CEMP1: variants seen among roughly 807,000 people sequenced by gnomAD.
CEMP1 encodes cementum protein 1.
For missense variants in CEMP1, 387 were observed against 316.9 expected, an observed-to-expected ratio of 1.22 and a Z score of -1.68; for synonymous variants, 161 against 128.6, an observed-to-expected ratio of 1.25 and a Z score of -1.71.
Position 2,530,193 on chromosome 16 carries a change from TG to T in CEMP1, c.*136del. On this transcript the variant is annotated 3_prime_UTR_variant, in exon 1 of 1. Coordinates refer to ENST00000567119, the MANE Select transcript of CEMP1 (RefSeq NM_001048212.3). ...GCTCCCTGGACTGCCTAGCCCTGAG[TG>T]CCACGGATGACCAGCGTTCTGTTTT... 3 of 1,494,952 alleles carry T rather than the reference TG, an allele frequency of 2.0e-6. No homozygotes were observed. Among genetic ancestry groups the T allele is most frequent in the Non-Finnish European group, 2.7e-6 (3 of 1,121,838 alleles). 92.6% of individuals were successfully genotyped at this position (1,494,952 alleles called of 1,614,324 possible).
In CEMP1 at chr16:2,530,316, C is replaced by A. The variant is rs778731311; in HGVS notation, c.*14G>T. 1.9e-6 allele frequency: 3 copies of A among 1,614,094 alleles called. No homozygotes were observed. The highest frequency in any genetic ancestry group is 2.2e-5 in the South Asian group (2 of 91,076). Reference sequence around the variant, plus strand: ...GTGCTGGAGGGCAGTATGGGAGGCACCAGTGTGCCCTGCTCACCCCATTAG... The same window carrying A: ...GTGCTGGAGGGCAGTATGGGAGGCAACAGTGTGCCCTGCTCACCCCATTAG... On this transcript the variant is annotated 3_prime_UTR_variant, in exon 1 of 1. Transcript: ENST00000567119.
In CEMP1 at chr16:2,531,040, C is replaced by T. The variant is rs772776692; in HGVS notation, c.34G>A (p.Gly12Arg). ...GTSSTDSQQA[G>R]HRRCSTSNTS... Reference sequence around the variant, plus strand: ...TTAGAGGTTGAGCATCGCCTGTGCCCAGCTTGCTGGCTGTCAGTGCTTGAT... The same window carrying T: ...TTAGAGGTTGAGCATCGCCTGTGCCTAGCTTGCTGGCTGTCAGTGCTTGAT... The change falls in exon 1 of 1, where the codon GGG becomes AGG. Residue 12 changes from glycine (G) to arginine (R), a missense_variant. Transcript: ENST00000567119. The T allele has an allele frequency of 3.3e-5, 53 of 1,598,524 alleles. No individual in the cohort carries two copies. Among genetic ancestry groups the T allele is most frequent in the Non-Finnish European group, 3.4e-5 (40 of 1,168,402 alleles).
In CEMP1 at chr16:2,530,280, G is replaced by A. The variant is rs750772940; in HGVS notation, c.*50C>T. ...AGGCCCAGTGCTTGCCGGCTGTGGT[G>A]ACCCTGCCTGGTGCTGGAGGGCAGT... On this transcript the variant is annotated 3_prime_UTR_variant, in exon 1 of 1. Coordinates refer to ENST00000567119, the MANE Select transcript of CEMP1 (RefSeq NM_001048212.3). The A allele has an allele frequency of 1.2e-6, 2 of 1,613,238 alleles. No individual in the cohort carries two copies. The highest frequency in any genetic ancestry group is 2.2e-5 in the South Asian group (2 of 91,010).
chr16:2,530,882 CA>C (rs766257150), intron 1 of CEMP1: 6 of 1,613,630 alleles, frequency 3.7e-6, no homozygotes, highest in East Asian at 2.2e-5. Flanking sequence ...CAGGGATACC[CA>C]CCTCTGCCTT....
In CEMP1 at chr16:2,531,045, T is replaced by A; in HGVS notation, c.29A>T (p.Gln10Leu). 1 of 1,597,836 alleles carries A rather than the reference T, an allele frequency of 6.3e-7. No individual in the cohort carries two copies. Among genetic ancestry groups the A allele is most frequent in the Non-Finnish European group, 8.6e-7 (1 of 1,167,902 alleles). Residue 10 changes from glutamine to leucine, a missense_variant, in exon 1 of 1, where the codon CAA (glutamine) becomes CTA (leucine). By Grantham distance (113) the Gln-to-Leu change is moderately radical (BLOSUM62 -2). Coordinates refer to ENST00000567119, the MANE Select transcript of CEMP1 (RefSeq NM_001048212.3). The part of the protein sequence containing the change: MGTSSTDSQ[Q>L]AGHRRCSTSN... ...GGTTGAGCATCGCCTGTGCCCAGCT[T>A]GCTGGCTGTCAGTGCTTGATGTGCC...
chr16:2,531,311 G>A lies in CEMP1; in HGVS notation c.-238C>T. On this transcript the variant is annotated 5_prime_UTR_variant, in exon 1 of 1. Coordinates refer to ENST00000567119, the MANE Select transcript of CEMP1 (RefSeq NM_001048212.3). ...TCAGGGTGAGAGAGAGCTGGGCCAGGGAGCTGCTGCAGGATGATTTTGAGG... is the reference window on the plus strand; with the variant it reads ...TCAGGGTGAGAGAGAGCTGGGCCAGAGAGCTGCTGCAGGATGATTTTGAGG... The A allele has an allele frequency of 1.8e-6, 1 of 551,756 alleles. No homozygotes were observed. The allele number at this position is 551,756 out of a possible 1,614,324, so 34.2% of individuals were successfully genotyped here. A position where few individuals can be genotyped will look rare whatever the true frequency, so the allele number is the denominator to read the frequency against.
chr16:2,531,246 C>T lies in CEMP1; in HGVS notation c.-173G>A. Reference sequence around the variant, plus strand: ...GGAGGGGCTGGCAGAGATGGTTGGTCCACAGGGCTAGCCCTGGGTGGTGGG... The same window carrying T: ...GGAGGGGCTGGCAGAGATGGTTGGTTCACAGGGCTAGCCCTGGGTGGTGGG... On this transcript the variant is annotated 5_prime_UTR_variant, in exon 1 of 1. Coordinates refer to ENST00000567119, the MANE Select transcript of CEMP1 (RefSeq NM_001048212.3). The T allele has an allele frequency of 1.2e-6, 1 of 818,528 alleles. No homozygotes were observed. Among genetic ancestry groups the T allele is most frequent in the Admixed American group, 2.9e-5 (1 of 34,106 alleles). 50.7% of individuals were successfully genotyped at this position (818,528 alleles called of 1,614,324 possible). A position where few individuals can be genotyped will look rare whatever the true frequency, so the allele number is the denominator to read the frequency against.
chr16:2,530,066 G>C lies in CEMP1; in HGVS notation c.*264C>G, dbSNP rs1047581601. On this transcript the variant is annotated 3_prime_UTR_variant, in exon 1 of 1. Transcript: ENST00000567119. ...TTGCTTTCTGCTCCTGAGTTGGGGT[G>C]TGCAGCGTGGAGCCCACAGCCTGGT... 5.7e-6 allele frequency: 5 copies of C among 876,190 alleles called. No homozygotes were observed. Among genetic ancestry groups the C allele is most frequent in the Middle Eastern group, 3.5e-4 (1 of 2,836 alleles). The allele number at this position is 876,190 out of a possible 1,614,324, so 54.3% of individuals were successfully genotyped here.
In CEMP1 at chr16:2,530,805, G is replaced by A; in HGVS notation, c.269C>T (p.Ala90Val). Reference sequence around the variant, plus strand: ...ACAAGGGGTTGATCTCAGCCCACAAGCCCCAGGGGCAGCCCAGGAAAGCAG... The same window carrying A: ...ACAAGGGGTTGATCTCAGCCCACAAACCCCAGGGGCAGCCCAGGAAAGCAG... ...RRLLSWAAPG[A>V]CGLRSTPCAL... Residue 90 changes from alanine to valine, a missense_variant, in exon 1 of 1, where the codon GCT becomes GTT. Physicochemically the swap from Ala to Val is moderately conservative, Grantham distance 64. Coordinates refer to ENST00000567119, the MANE Select transcript of CEMP1 (RefSeq NM_001048212.3). 1 of 1,613,778 alleles carries A rather than the reference G, an allele frequency of 6.2e-7. No homozygotes were observed. Among genetic ancestry groups the A allele is most frequent in the Non-Finnish European group, 8.5e-7 (1 of 1,179,982 alleles).
At position 2,530,246 on chromosome 16, in the gene CEMP1, C is replaced by A; in HGVS notation, c.*84G>T. The A allele has an allele frequency of 6.2e-7, 1 of 1,602,424 alleles. No homozygotes were observed. Among genetic ancestry groups the A allele is most frequent in the African/African-American group, 1.3e-5 (1 of 74,850 alleles). ...TCTTCTCAATAACCCTATCTCTTCACACATCCCCAGGCCCAGTGCTTGCCG... is the reference window on the plus strand; with the variant it reads ...TCTTCTCAATAACCCTATCTCTTCAAACATCCCCAGGCCCAGTGCTTGCCG... On this transcript the variant is annotated 3_prime_UTR_variant, in exon 1 of 1. Coordinates refer to ENST00000567119, the MANE Select transcript of CEMP1 (RefSeq NM_001048212.3).
chr16:2,530,530 CTT>C, intron 1 of CEMP1: 2 of 1,614,196 alleles, frequency 1.2e-6, no homozygotes, highest in Non-Finnish European at 1.7e-6. Flanking sequence ...ATTGTCTTGA[CTT>C]TCTCTCCATT....
Position 2,531,207 on chromosome 16 carries a change from G to A in CEMP1, c.-134C>T, listed in dbSNP as rs1166119438. ...TCACCGGCCAGCGCCCCACCTCCCT[G>A]GCTGGAGGGTCGGGGAGGGGCTGGC... is the stretch of plus-strand genomic sequence containing the variant. On this transcript the variant is annotated 5_prime_UTR_variant, in exon 1 of 1. Coordinates refer to ENST00000567119, the MANE Select transcript of CEMP1 (RefSeq NM_001048212.3). The A allele has an allele frequency of 5.8e-6, 7 of 1,212,168 alleles. No homozygotes were observed. Among genetic ancestry groups the A allele is most frequent in the Non-Finnish European group, 6.8e-6 (6 of 877,750 alleles). The allele number at this position is 1,212,168 out of a possible 1,614,324, so 75.1% of individuals were successfully genotyped here.
Position 2,530,144 on chromosome 16 carries a change from CTG to C in CEMP1, c.*184_*185del. 2 of 1,405,330 alleles carry C rather than the reference CTG, an allele frequency of 1.4e-6. No homozygotes were observed. The highest frequency in any genetic ancestry group is 2.9e-5 in the African/African-American group (2 of 69,274). 87.1% of individuals were successfully genotyped at this position (1,405,330 alleles called of 1,614,324 possible). The stretch of plus-strand genomic sequence containing the variant: ...TCCGCTCTGACCTCCAGGAGGGAGA[CTG>C]GGCCCGGGACCCCTGTTTTCTGCTC... On this transcript the variant is annotated 3_prime_UTR_variant, in exon 1 of 1. Transcript: ENST00000567119.
In CEMP1 at chr16:2,530,852, C is replaced by G. The variant is rs779577686; in HGVS notation, c.222G>C (p.Glu74Asp). The G allele has an allele frequency of 1.9e-6, 3 of 1,613,652 alleles. No individual in the cohort carries two copies. Among genetic ancestry groups the G allele is most frequent in the Non-Finnish European group, 2.5e-6 (3 of 1,179,984 alleles). ...GCAGGCGACGGATGTGGATCCTGAC[C>G]TCCTGAGAGGTGTGAGGTGCAGGGA... ...VGIPAPHTSQEVRIHIRRLLS... is the reference protein window; with the variant it reads ...VGIPAPHTSQDVRIHIRRLLS... Residue 74 changes from glutamate to aspartate, a missense_variant, in exon 1 of 1, where the codon GAG (glutamate) becomes GAC (aspartate). By Grantham distance (45) the Glu-to-Asp change is conservative. Coordinates refer to ENST00000567119, the MANE Select transcript of CEMP1 (RefSeq NM_001048212.3).
In CEMP1 at chr16:2,530,351, G is replaced by T; in HGVS notation, c.723C>A (p.Gly241=). ...CTGCTCACCCCATTAGTGTCATCCT[G>T]CCATCTTCTGTGTCCCCTTGGCCCT... ...VCQGQGDTED[G]RMTLMG Residue 241 remains glycine, a synonymous_variant, in exon 1 of 1, where the codon GGC becomes GGA. Coordinates refer to ENST00000567119, the MANE Select transcript of CEMP1 (RefSeq NM_001048212.3). The T allele has an allele frequency of 1.2e-6, 2 of 1,614,148 alleles. No homozygotes were observed. Among genetic ancestry groups the T allele is most frequent in the Non-Finnish European group, 1.7e-6 (2 of 1,180,018 alleles).
At position 2,530,047 on chromosome 16, in the gene CEMP1, T is replaced by G. The variant is rs1437109294; in HGVS notation, c.*283A>C. On this transcript the variant is annotated 3_prime_UTR_variant, in exon 1 of 1. Coordinates refer to ENST00000567119, the MANE Select transcript of CEMP1 (RefSeq NM_001048212.3). The stretch of plus-strand genomic sequence containing the variant: ...AGTGTGGACAGTCAGGGGTTTGCTT[T>G]CTGCTCCTGAGTTGGGGTGTGCAGC... 4.9e-6 allele frequency: 4 copies of G among 808,852 alleles called. No homozygotes were observed. In the East Asian group the frequency reaches 1.1e-4, roughly 22 times the overall value. 50.1% of individuals were successfully genotyped at this position (808,852 alleles called of 1,614,324 possible).
At position 2,530,272 on chromosome 16, in the gene CEMP1, G is replaced by T; in HGVS notation, c.*58C>A. ...ACATCCCCAGGCCCAGTGCTTGCCG[G>T]CTGTGGTGACCCTGCCTGGTGCTGG... On this transcript the variant is annotated 3_prime_UTR_variant, in exon 1 of 1. Transcript: ENST00000567119. 1 of 1,612,282 alleles carries T rather than the reference G, an allele frequency of 6.2e-7. No homozygotes were observed. Among genetic ancestry groups the T allele is most frequent in the Non-Finnish European group, 8.5e-7 (1 of 1,179,220 alleles).
chr16:2,530,667 C>G lies in CEMP1; in HGVS notation c.407G>C (p.Arg136Thr), dbSNP rs1179461291. 3.1e-6 allele frequency: 5 copies of G among 1,614,204 alleles called. No homozygotes were observed. The highest frequency in any genetic ancestry group is 1.7e-5 in the Admixed American group (1 of 60,032). The change falls in exon 1 of 1, where the codon AGA becomes ACA. Residue 136 changes from arginine (R) to threonine (T), a missense_variant. Arg to Thr is a moderately conservative substitution (Grantham distance 71). Coordinates refer to ENST00000567119, the MANE Select transcript of CEMP1 (RefSeq NM_001048212.3). ...AQTILSLWTWRHFLNWALQQR... is the reference protein window; with the variant it reads ...AQTILSLWTWTHFLNWALQQR... Reference sequence around the variant, plus strand: ...CTGCAAAGCCCAGTTAAGGAAATGTCTCCAGGTCCAAAGAGATAGGATGGT... The same window carrying G: ...CTGCAAAGCCCAGTTAAGGAAATGTGTCCAGGTCCAAAGAGATAGGATGGT...
Position 2,530,538 on chromosome 16 carries a change from C to A in CEMP1, c.536G>T (p.Gly179Val). 6.2e-7 allele frequency: 1 copy of A among 1,614,188 alleles called. No individual in the cohort carries two copies. Among genetic ancestry groups the A allele is most frequent in the South Asian group, 1.1e-5 (1 of 91,088 alleles). ...EGSHPPQNSN[G>V]EKVKTITPDV... is the part of the protein sequence containing the mutation. ...AGGGGTGATTGTCTTGACTTTCTCT[C>A]CATTTGAGTTCTGGGGTGGGTGGCT... Residue 179 changes from glycine (G) to valine (V), a missense_variant, in exon 1 of 1, where the codon GGA becomes GTA. Physicochemically the swap from Gly to Val is moderately radical, Grantham distance 109. Transcript: ENST00000567119.
Sources: allele counts gnomAD v4.1 joint callset, GRCh38; gene constraint gnomAD v4.1.1; transcripts MANE v1.5; gene names NCBI Gene and HGNC (gene_info 2026-07-23, HGNC 2026-07-21).